STAU1: variants seen among roughly 807,000 people sequenced by gnomAD.
STAU1 encodes staufen double-stranded RNA binding protein 1, also known as double-stranded RNA-binding protein Staufen homolog 1.
STAU1 carries 13 observed loss-of-function variants against 62.9 expected under a neutral mutation model. The observed-to-expected ratio is 0.21, with a 90% confidence interval of 0.13 to 0.33. The LOEUF (loss-of-function observed/expected upper bound fraction) is 0.33. Among genes scored for constraint, STAU1 ranks in the 10% least tolerant of loss-of-function variants. The pLI is 1.00. For missense variants in STAU1, 571 were observed against 712.1 expected (o/e 0.80, Z 2.25); for synonymous variants, 269 against 265.1 (o/e 1.01, Z -0.14).
At chr20:49,217,846 CAAAAAT>C in the STAU1 span, among the ~76,000 whole-genome samples, 4 of 149,970 alleles carry the variant, frequency 2.7e-5, no homozygotes, top group Admixed American at 6.6e-5. Flanking sequence ...GACCCTGTCT[CAAAAAT>C]AAAAATAAAA....
intron 5 of STAU1, among the ~76,000 whole-genome samples, chr20:49,151,296 C>T (rs1006089732): frequency 2.0e-5 from 3 of 152,192 alleles, no homozygotes; most frequent in African/African-American, 2.4e-5. Flanking sequence ...TTCTTCACAA[C>T]TCAACTGAAT....
rs1018749370 is a variant in STAU1 at position 49,134,480 on chromosome 20, A to T, written c.609+1353T>A. On this transcript the variant is annotated intron_variant, in intron 6 of 13. Transcript: ENST00000371856. Reference sequence around the variant, plus strand: ...GGGTTGAAACCCGGGCGCCGCCAAGATGCCGGCTCATTACTCTTCTCTCAT... The same window carrying T: ...GGGTTGAAACCCGGGCGCCGCCAAGTTGCCGGCTCATTACTCTTCTCTCAT... 24 of 933,740 alleles carry T rather than the reference A, an allele frequency of 2.6e-5. No individual in the cohort carries two copies. The Admixed American group carries it at 4.2e-4, about 16-fold the overall frequency. 57.8% of individuals were successfully genotyped at this position (933,740 alleles called of 1,614,324 possible). A position where few individuals can be genotyped will look rare whatever the true frequency, so the allele number is the denominator to read the frequency against.
the STAU1 span, among the ~76,000 whole-genome samples, chr20:49,199,807 C>T: frequency 3.9e-5 from 6 of 152,160 alleles, no homozygotes; most frequent in Non-Finnish European, 7.3e-5. Flanking sequence ...CTCCAGACCT[C>T]AGGTGATCCA....
chr20:49,188,280 T>A lies in STAU1; in HGVS notation c.-324A>T, dbSNP rs1206419586. 1 of 149,928 alleles carries A rather than the reference T, an allele frequency of 6.7e-6. No individual in the cohort carries two copies. The highest frequency in any genetic ancestry group is 2.5e-5 in the African/African-American group (1 of 40,590). 9.3% of individuals were successfully genotyped at this position (149,928 alleles called of 1,614,324 possible). ...CCGCCGGGCCGGGGGGGGGAGGCGG[T>A]CAAAGGAAGCGGGAGCCGAGAGAGA... On this transcript the variant is annotated 5_prime_UTR_variant, in exon 1 of 14. Coordinates refer to ENST00000371856, the MANE Select transcript of STAU1 (RefSeq NM_017453.4).
At chr20:49,207,506 A>T in the STAU1 span, among the ~76,000 whole-genome samples, 2 of 152,090 alleles carry the variant, frequency 1.3e-5, no homozygotes, top group East Asian at 1.9e-4. Flanking sequence ...TGAATTTTAA[A>T]TTTTTTTTGT....
At chr20:49,134,471 G>C (rs567345685) in intron 6 of STAU1, 10 of 760,394 alleles carry the variant, frequency 1.3e-5, no homozygotes, top group Non-Finnish European at 2.2e-5. Flanking sequence ...AAACCCGGGC[G>C]CCGCCAAGAT....
chr20:49,132,523 T>C (rs2092773331), intron 6 of STAU1, among the ~76,000 whole-genome samples: 1 of 152,156 alleles, frequency 6.6e-6, no homozygotes. Context: ...CTTTAGGAGA[T>C]CAAGGTGAGT....
intron 3 of STAU1, among the ~76,000 whole-genome samples, chr20:49,160,839 A>G (rs965655564): frequency 6.6e-6 from 1 of 152,100 alleles, no homozygotes; most frequent in Admixed American, 6.5e-5. Flanking sequence ...AAGTGAAAAA[A>G]CTGTTTTCCC....
chr20:49,115,588 G>A (rs948131566), intron 13 of STAU1, among the ~76,000 whole-genome samples, 194 bp downstream of exon 13: 1 of 151,948 alleles, frequency 6.6e-6, no homozygotes, highest in African/African-American at 2.4e-5. Flanking sequence ...GGTGTGAGCC[G>A]CTGTTCCCAG....
chr20:49,162,698 C>T (rs550434684), intron 3 of STAU1, among the ~76,000 whole-genome samples: 82 of 151,298 alleles, frequency 5.4e-4, no homozygotes, highest in African/African-American at 2.0e-3. Context: ...ATGGCGTGAA[C>T]CCGGGAGGCA....
the STAU1 span, among the ~76,000 whole-genome samples, chr20:49,195,629 C>T: frequency 1.3e-5 from 2 of 149,090 alleles, no homozygotes; most frequent in Non-Finnish European, 3.0e-5. Flanking sequence ...GTAGGCTGGG[C>T]GCCGTGGCTC....
intron 3 of STAU1, among the ~76,000 whole-genome samples, chr20:49,154,339 A>G (rs570191290): frequency 1.3e-5 from 2 of 152,334 alleles, no homozygotes; most frequent in African/African-American, 2.4e-5. Context: ...AGTGAAAGCT[A>G]TATGGTACAG....
At chr20:49,187,522 G>A (rs1384218987) in intron 1 of STAU1, among the ~76,000 whole-genome samples, 1 of 152,116 alleles carries the variant, frequency 6.6e-6, no homozygotes, top group Non-Finnish European at 1.5e-5. Context: ...CGGTTTACTG[G>A]GACACGCTGT....
chr20:49,124,266 G>A, intron 7 of STAU1, 109 bp downstream of exon 7: 3 of 1,119,066 alleles, frequency 2.7e-6, no homozygotes, highest in Non-Finnish European at 3.9e-6. Context: ...CCTGGGGTGT[G>A]GCACGTTGGT....
At chr20:49,191,432 C>T (rs139299551), upstream of STAU1, among the ~76,000 whole-genome samples, 2,609 of 152,242 alleles carry the variant, frequency 0.017, 30 homozygotes, top group Non-Finnish European at 0.026. Context: ...TGATCAACTT[C>T]CATGACAGCA....
At chr20:49,195,904 A>AAAAAGAAAAAAAAAAG in the STAU1 span, among the ~76,000 whole-genome samples, 5 of 95,278 alleles carry the variant, frequency 5.2e-5, no homozygotes, top group Admixed American at 6.4e-4. Context: ...CTCTCAAAAA[A>AAAAAGAAAAAAAAAAG]AAAAAAAAAA....
chr20:49,167,420 G>T (rs750472281), intron 2 of STAU1, among the ~76,000 whole-genome samples: 1 of 152,152 alleles, frequency 6.6e-6, no homozygotes. Flanking sequence ...AGCTACTTGA[G>T]GAGTCCTAAC....
At chr20:49,165,855 G>A in intron 3 of STAU1, 142 bp downstream of exon 3, 5 of 772,092 alleles carry the variant, frequency 6.5e-6, no homozygotes, top group Admixed American at 4.6e-5. Context: ...TTCTATATCT[G>A]GGATAAAGAA....
At chr20:49,173,420 C>T (rs1278708877) in intron 2 of STAU1, among the ~76,000 whole-genome samples, 1 of 152,164 alleles carries the variant, frequency 6.6e-6, no homozygotes, top group Non-Finnish European at 1.5e-5. Flanking sequence ...CATTGCACTC[C>T]AACCTGGGCA....
Sources: gnomAD v4.1 joint callset for allele counts (sites outside exome capture counted in the v4.1 genomes callset) on GRCh38, gnomAD v4.1.1 for gene constraint, MANE v1.5 for transcripts, NCBI Gene and HGNC (gene_info 2026-07-23, HGNC 2026-07-21) for gene names.